The following TRIB1 variants were observed in gnomAD, a reference collection of about 807,000 sequenced individuals.
TRIB1 encodes tribbles homolog 1.
A neutral mutation model predicts 27.8 loss-of-function variants in TRIB1; 12 were observed. The observed-to-expected ratio is 0.43, with a 90% CI of 0.28 to 0.70. The LOEUF (loss-of-function observed/expected upper bound fraction) is 0.70. Ranked by LOEUF, TRIB1 falls within the 30% of genes least tolerant of loss-of-function variation. The pLI is 0.18. For missense variants in TRIB1, 475 were observed against 515.8 expected (o/e 0.92, Z 0.77); for synonymous variants, 230 against 224.9 (o/e 1.02, Z -0.20).
chr8:125,438,208 T>A lies in TRIB1; in HGVS notation c.*1737T>A, dbSNP rs889941237. On this transcript the variant is annotated 3_prime_UTR_variant, in exon 3 of 3. Transcript: ENST00000311922. The stretch of plus-strand genomic sequence containing the variant: ...AGAAGAGGGAGGACAGAGGCCTCTG[T>A]CGCACTAACGCTCTCGTGGTTGCTC... 1.3e-5 allele frequency: 2 copies of A among 152,734 alleles called. No homozygotes were observed. Among genetic ancestry groups the A allele is most frequent in the Non-Finnish European group, 2.9e-5 (2 of 68,032 alleles). The allele number at this position is 152,734 out of a possible 1,614,324, so 9.5% of individuals were successfully genotyped here.
intron 2 of TRIB1, among the ~76,000 whole-genome samples, chr8:125,434,996 T>A (rs1814724241): frequency 6.6e-6 from 1 of 151,914 alleles, no homozygotes; most frequent in South Asian, 2.1e-4. Flanking sequence ...TGTTTGCATT[T>A]AACTTCACAA....
chr8:125,431,505 C>T (rs77298720), intron 1 of TRIB1, among the ~76,000 whole-genome samples: 2 of 152,356 alleles, frequency 1.3e-5, no homozygotes, highest in East Asian at 1.9e-4. Context: ...CTGTTCCTTT[C>T]CTCAGCGCCC....
rs755077229 is a variant in TRIB1 at position 125,433,563 on chromosome 8, C to T, written c.607C>T (p.Leu203=). Reference sequence around the variant, plus strand: ...CCACTGCCACCAGTCAGCCATCGTGCTGGGGGACCTGAAGCTTAGGAAGTT... The same window carrying T: ...CCACTGCCACCAGTCAGCCATCGTGTTGGGGGACCTGAAGCTTAGGAAGTT... ...VAHCHQSAIV[L]GDLKLRKFVF... is the part of the protein sequence containing the mutation. The change falls in exon 2 of 3, where the codon CTG becomes TTG. Residue 203 remains leucine, a synonymous_variant. Coordinates refer to ENST00000311922, the MANE Select transcript of TRIB1 (RefSeq NM_025195.4). This position sits in a 1 kb window ranked among gnomAD's most constrained non-coding sequence, Gnocchi z 4.4. 3.1e-6 allele frequency: 5 copies of T among 1,612,728 alleles called. No homozygotes were observed. The highest frequency in any genetic ancestry group is 1.7e-4 in the Middle Eastern group (1 of 6,034).
rs13277396 is a variant in TRIB1, at chr8:125,433,263, G to C, written c.361-54G>C. The C allele has an allele frequency of 0.51, 801,866 of 1,565,630 alleles. 214,519 individuals carry two copies. The highest frequency in any genetic ancestry group is 0.56 in the Non-Finnish European group (645,125 of 1,147,226). On this transcript the variant is annotated intron_variant, in intron 1 of 2. Coordinates refer to ENST00000311922, the MANE Select transcript of TRIB1 (RefSeq NM_025195.4). The surrounding 1 kb of genome is among the most constrained non-coding windows in gnomAD (Gnocchi z 4.4). ...TCTGTTCAGCTCCCTCAGGGGTTTG[G>C]GAGGCTGCCTTTGCTTTTCTAGCCC... is the stretch of plus-strand genomic sequence containing the variant.
At position 125,434,673 on chromosome 8, in the gene TRIB1, T is replaced by C. The variant is rs78790939; in HGVS notation, c.653+1064T>C. Among the ~76,000 whole-genome samples, 87 of 152,342 alleles carry C rather than the reference T, an allele frequency of 5.7e-4. 1 individual carries two copies. In the East Asian group the frequency reaches 0.017, roughly 29 times the overall value. On this transcript the variant is annotated intron_variant, in intron 2 of 2. Transcript: ENST00000311922. ...CCTTACTAGCTTTTGAAATCTGCAT[T>C]GCACAGGCGAATATCATGGGCATGG...
Position 125,430,899 on chromosome 8 carries a change from C to G in TRIB1, c.-4C>G, listed in dbSNP as rs921399909. 1.6e-5 allele frequency: 23 copies of G among 1,425,868 alleles called. No individual in the cohort carries two copies. The African/African-American group carries it at 3.5e-4, about 21-fold the overall frequency. 88.3% of individuals were successfully genotyped at this position (1,425,868 alleles called of 1,614,324 possible). A position where few individuals can be genotyped will look rare whatever the true frequency, so the allele number is the denominator to read the frequency against. ...AAGCCGGGGCCACCCCGGCCCAGGACGGGATGCGGGTCGGTCCGGTGCGCT... is the reference window on the plus strand; with the variant it reads ...AAGCCGGGGCCACCCCGGCCCAGGAGGGGATGCGGGTCGGTCCGGTGCGCT... On this transcript the variant is annotated 5_prime_UTR_variant, in exon 1 of 3. Transcript: ENST00000311922.
Position 125,436,385 on chromosome 8 carries a change from G to C in TRIB1, c.1033G>C (p.Gly345Arg). Reference protein sequence around the residue: ...HPWFESVLEPGYIDSEIGTSD... With the variant: ...HPWFESVLEPRYIDSEIGTSD... ...CTGGTTTGAGTCCGTCTTGGAACCCGGGTACATCGACTCAGAAATAGGAAC... is the reference window on the plus strand; with the variant it reads ...CTGGTTTGAGTCCGTCTTGGAACCCCGGTACATCGACTCAGAAATAGGAAC... Residue 345 changes from glycine to arginine, a missense_variant, in exon 3 of 3, where the codon GGG becomes CGG. By Grantham distance (125) the Gly-to-Arg change is moderately radical. Transcript: ENST00000311922. 6.2e-7 allele frequency: 1 copy of C among 1,613,464 alleles called. No individual in the cohort carries two copies. Among genetic ancestry groups the C allele is most frequent in the Non-Finnish European group, 8.5e-7 (1 of 1,179,966 alleles).
At chr8:125,435,733 G>A (rs1376953391) in intron 2 of TRIB1, among the ~76,000 whole-genome samples, 20 of 152,222 alleles carry the variant, frequency 1.3e-4, no homozygotes, top group Admixed American at 1.3e-3. Context: ...GATATCTCTT[G>A]TAAGCTCCAG....
In TRIB1 at chr8:125,433,834, A is replaced by C. The variant is rs1003115643; in HGVS notation, c.653+225A>C. 6.1e-5 allele frequency: 33 copies of C among 538,178 alleles called. No individual in the cohort carries two copies. The highest frequency in any genetic ancestry group is 1.3e-4 in the Admixed American group (4 of 31,276). 33.3% of individuals were successfully genotyped at this position (538,178 alleles called of 1,614,324 possible). A position where few individuals can be genotyped will look rare whatever the true frequency, so the allele number is the denominator to read the frequency against. On this transcript the variant is annotated intron_variant, in intron 2 of 2. Transcript: ENST00000311922. The surrounding 1 kb of genome is among the most constrained non-coding windows in gnomAD (Gnocchi z 4.4). ...ACCGTGGCGCTTCTATGGGATGGCA[A>C]GTGTTGACAGGGTGCTCTTCCTCTC... is the stretch of plus-strand genomic sequence containing the variant.
In TRIB1 at chr8:125,431,135, C is replaced by T; in HGVS notation, c.233C>T (p.Ala78Val). ...CAGCCCCCGCCTGCCGCTCCGGGGG[C>T]CGGCGGAGGCTCCGGGAGCGCGCCG... ...SPQPPPAAPGAGGGSGSAPGP... is the reference protein window; with the variant it reads ...SPQPPPAAPGVGGGSGSAPGP... The change falls in exon 1 of 3, where the codon GCC becomes GTC. Residue 78 changes from alanine (A) to valine (V), a missense_variant. By Grantham distance (64) the Ala-to-Val change is moderately conservative. Coordinates refer to ENST00000311922, the MANE Select transcript of TRIB1 (RefSeq NM_025195.4). 1.5e-6 allele frequency: 2 copies of T among 1,317,878 alleles called. No homozygotes were observed. The highest frequency in any genetic ancestry group is 2.3e-5 in the South Asian group (1 of 44,292). 81.6% of individuals were successfully genotyped at this position (1,317,878 alleles called of 1,614,324 possible).
chr8:125,430,973 C>T lies in TRIB1; in HGVS notation c.71C>T (p.Pro24Leu). The change falls in exon 1 of 3, where the codon CCA becomes CTA. Residue 24 changes from proline (P) to leucine (L), a missense_variant. Coordinates refer to ENST00000311922, the MANE Select transcript of TRIB1 (RefSeq NM_025195.4). ...CCCCGCGGCCCGGCCCTGCTCTTCC[C>T]AGCCACCCGAGGCGTCCCGGCCAAA... ...SQPRGPALLFPATRGVPAKRL... is the reference protein window; with the variant it reads ...SQPRGPALLFLATRGVPAKRL... 27 of 1,471,614 alleles carry T rather than the reference C, an allele frequency of 1.8e-5. No homozygotes were observed. The highest frequency in any genetic ancestry group is 2.4e-5 in the Non-Finnish European group (27 of 1,119,828). The allele number at this position is 1,471,614 out of a possible 1,614,324, so 91.2% of individuals were successfully genotyped here.
chr8:125,436,222 T>C lies in TRIB1; in HGVS notation c.870T>C (p.Ser290=). The change falls in exon 3 of 3, where the codon AGT becomes AGC. Residue 290 remains serine, a synonymous_variant. Coordinates refer to ENST00000311922, the MANE Select transcript of TRIB1 (RefSeq NM_025195.4). ...GRYPFHDSDP[S]ALFSKIRRGQ... ...ACCCCTTCCATGACTCAGACCCCAG[T>C]GCCCTTTTCTCCAAAATTCGGCGTG... 2 of 1,614,056 alleles carry C rather than the reference T, an allele frequency of 1.2e-6. No individual in the cohort carries two copies. The highest frequency in any genetic ancestry group is 1.7e-6 in the Non-Finnish European group (2 of 1,180,004).
At chr8:125,432,108 GA>G in intron 1 of TRIB1, 1 of 340,580 alleles carries the variant, frequency 2.9e-6, no homozygotes, top group Non-Finnish European at 4.2e-6. Flanking sequence ...CTTTTCACCC[GA>G]AAGATAGGAT....
chr8:125,434,868 C>T (rs1338881405), intron 2 of TRIB1, among the ~76,000 whole-genome samples: 3 of 150,834 alleles, frequency 2.0e-5, no homozygotes, highest in African/African-American at 2.4e-5. Context: ...AGGGAGGTCA[C>T]GCTGAGGACA....
chr8:125,435,288 G>A (rs1814729410), intron 2 of TRIB1, among the ~76,000 whole-genome samples: 1 of 152,132 alleles, frequency 6.6e-6, no homozygotes, highest in African/African-American at 2.4e-5. Context: ...AAGAATTTCA[G>A]GGTCCCTGCG....
At chr8:125,434,343 C>T (rs751213960) in intron 2 of TRIB1, among the ~76,000 whole-genome samples, 1 of 152,138 alleles carries the variant, frequency 6.6e-6, no homozygotes, top group Non-Finnish European at 1.5e-5. Context: ...TAAGAGCCAG[C>T]CACATCCCTT....
chr8:125,430,906 C>A lies in TRIB1; in HGVS notation c.4C>A (p.Arg2=), dbSNP rs1320383987. M[R]VGPVRSAMSG... ...GGCCACCCCGGCCCAGGACGGGATG[C>A]GGGTCGGTCCGGTGCGCTCTGCCAT... The change falls in exon 1 of 3, where the codon CGG becomes AGG. Residue 2 remains arginine (R), a synonymous_variant. Coordinates refer to ENST00000311922, the MANE Select transcript of TRIB1 (RefSeq NM_025195.4). The A allele has an allele frequency of 4.9e-6, 7 of 1,434,664 alleles. No individual in the cohort carries two copies. The Admixed American group carries it at 9.4e-5, about 19-fold the overall frequency. The allele number at this position is 1,434,664 out of a possible 1,614,324, so 88.9% of individuals were successfully genotyped here.
Position 125,431,161 on chromosome 8 carries a change from G to A in TRIB1, c.259G>A (p.Gly87Arg). The change falls in exon 1 of 3, where the codon GGG becomes AGG. Residue 87 changes from glycine to arginine, a missense_variant. Coordinates refer to ENST00000311922, the MANE Select transcript of TRIB1 (RefSeq NM_025195.4). ...CGGCGGAGGCTCCGGGAGCGCGCCG[G>A]GGCCCAGCCGCATCGCCGACTACCT... The part of the protein sequence containing the change: ...GAGGGSGSAP[G>R]PSRIADYLLL... The A allele has an allele frequency of 7.7e-7, 1 of 1,303,990 alleles. No homozygotes were observed. The highest frequency in any genetic ancestry group is 9.7e-7 in the Non-Finnish European group (1 of 1,032,856). The allele number at this position is 1,303,990 out of a possible 1,614,324, so 80.8% of individuals were successfully genotyped here. A position where few individuals can be genotyped will look rare whatever the true frequency, so the allele number is the denominator to read the frequency against.
intron 2 of TRIB1, 123 bp from the exon 3 acceptor site, chr8:125,435,883 C>T (rs1010192613): frequency 1.9e-5 from 15 of 782,712 alleles, no homozygotes; most frequent in African/African-American, 1.1e-4. Context: ...GCTTACTGGA[C>T]GAAGGGGTAA....
Sources: allele counts gnomAD v4.1 joint callset (sites outside exome capture counted in the v4.1 genomes callset), GRCh38; gene constraint gnomAD v4.1.1; non-coding constraint Gnocchi (gnomAD v3.1); transcripts MANE v1.5; gene names NCBI Gene and HGNC (gene_info 2026-07-23, HGNC 2026-07-21).